Variants in AGPAT3 observed in about 807,000 individuals in gnomAD.
AGPAT3 encodes the protein 1-acylglycerol-3-phosphate O-acyltransferase 3.
Under a neutral mutation model 47.3 loss-of-function variants are expected in AGPAT3, and 5 were observed. The ratio of observed to expected loss-of-function variants is 0.11; its 90% confidence interval spans 0.06 to 0.22. AGPAT3 has a LOEUF of 0.22. Among genes scored for constraint, AGPAT3 ranks in the 10% least tolerant of loss-of-function variants. The pLI, the probability that AGPAT3 is intolerant of heterozygous loss-of-function variation, is 1.00. For synonymous variants in AGPAT3, 212 were observed against 208.3 expected (o/e 1.02, Z -0.15); for missense variants, 315 against 493.0 (o/e 0.64, Z 3.42).
intron 1 of AGPAT3, among the ~76,000 whole-genome samples, chr21:43,881,199 G>T (rs1342934716): frequency 3.9e-5 from 6 of 152,140 alleles, no homozygotes; most frequent in Non-Finnish European, 7.3e-5. Flanking sequence ...TTTGTGCCTT[G>T]TGATTACATT....
chr21:43,980,383 G>A (rs954177630), intron 8 of AGPAT3, among the ~76,000 whole-genome samples: 3 of 152,068 alleles, frequency 2.0e-5, no homozygotes, highest in Non-Finnish European at 2.9e-5. Context: ...CAGTGGCTGC[G>A]GAGTGTCTGC....
intron 8 of AGPAT3, 100 bp from the exon 9 acceptor site, chr21:43,980,889 T>C: frequency 8.4e-7 from 1 of 1,188,808 alleles, no homozygotes; most frequent in Non-Finnish European, 1.2e-6. Flanking sequence ...GCGCTTTTTT[T>C]AGGTTGAGTC....
intron 1 of AGPAT3, among the ~76,000 whole-genome samples, chr21:43,869,513 G>A (rs1478598685): frequency 6.6e-6 from 1 of 152,232 alleles, no homozygotes; most frequent in African/African-American, 2.4e-5. Flanking sequence ...GCACTTGTCA[G>A]TTTGGGAAGC....
Position 43,955,283 on chromosome 21 carries a change from C to A in AGPAT3, c.-48-4351C>A, listed in dbSNP as rs1443536565. The stretch of plus-strand genomic sequence containing the variant: ...GAGCTGGAAAGCTGACCTGCATTGT[C>A]AGGCTGGGTGGGGAAGGACTTGGAT... On this transcript the variant is annotated intron_variant, in intron 2 of 9. Coordinates refer to ENST00000291572, the MANE Select transcript of AGPAT3 (RefSeq NM_020132.5). The surrounding 1 kb of genome is among the most constrained non-coding windows in gnomAD (Gnocchi z 4.1). 8.7e-7 allele frequency: 1 copy of A among 1,151,520 alleles called. No individual in the cohort carries two copies. The highest frequency in any genetic ancestry group is 1.1e-6 in the Non-Finnish European group (1 of 909,628). 71.3% of individuals were successfully genotyped at this position (1,151,520 alleles called of 1,614,324 possible).
At chr21:43,906,201 C>T (rs1311839542) in intron 2 of AGPAT3, among the ~76,000 whole-genome samples, 1 of 152,086 alleles carries the variant, frequency 6.6e-6, no homozygotes, top group Non-Finnish European at 1.5e-5. Flanking sequence ...GATTTACAAC[C>T]AAGCTTCTAG....
rs753906838 is a variant in AGPAT3 at position 43,967,652 on chromosome 21, C to T, written c.179-294C>T. The T allele has an allele frequency of 3.6e-5, 13 of 364,972 alleles. 1 individual carries two copies. The highest frequency in any genetic ancestry group is 7.7e-4 in the Middle Eastern group (1 of 1,298). 22.6% of individuals were successfully genotyped at this position (364,972 alleles called of 1,614,324 possible). ...TCACGGGGCGTGGCTGTGCGGTACT[C>T]GGCCACACCAAGGTGCACGTGAGAA... is the stretch of plus-strand genomic sequence containing the variant. On this transcript the variant is annotated intron_variant, in intron 3 of 9. Coordinates refer to ENST00000291572, the MANE Select transcript of AGPAT3 (RefSeq NM_020132.5).
chr21:43,938,901 G>C (rs2087544622), intron 2 of AGPAT3, among the ~76,000 whole-genome samples: 1 of 152,170 alleles, frequency 6.6e-6, no homozygotes, highest in South Asian at 2.1e-4. Context: ...GGAAGGAGGG[G>C]CTCCCCCAGG....
chr21:43,916,961 A>C (rs1180955956), intron 2 of AGPAT3, among the ~76,000 whole-genome samples: 2 of 152,090 alleles, frequency 1.3e-5, no homozygotes, highest in Non-Finnish European at 2.9e-5. Flanking sequence ...TAAGATCCTC[A>C]GGCTGCTCCT....
At chr21:43,879,941 T>C (rs1003863275) in intron 1 of AGPAT3, among the ~76,000 whole-genome samples, 12 of 152,190 alleles carry the variant, frequency 7.9e-5, no homozygotes, top group Non-Finnish European at 1.6e-4. Context: ...CATCCTGGCA[T>C]GTGGGCCTCT....
At position 43,955,703 on chromosome 21, in the gene AGPAT3, C is replaced by T. The variant is rs1039921774; in HGVS notation, c.-48-3931C>T. Among the ~76,000 whole-genome samples, 2 of 152,032 alleles carry T rather than the reference C, an allele frequency of 1.3e-5. No individual in the cohort carries two copies. Among genetic ancestry groups the T allele is most frequent in the African/African-American group, 2.4e-5 (1 of 41,530 alleles). On this transcript the variant is annotated intron_variant, in intron 2 of 9. Coordinates refer to ENST00000291572, the MANE Select transcript of AGPAT3 (RefSeq NM_020132.5). The surrounding 1 kb of genome is among the most constrained non-coding windows in gnomAD (Gnocchi z 4.1). ...GGCGGATTACCTGAGGTCAGGAGAT[C>T]GAGGCCAGCCTGGCCAACATGGCGA... is the stretch of plus-strand genomic sequence containing the variant.
chr21:43,872,036 C>G (rs1292942050), intron 1 of AGPAT3, among the ~76,000 whole-genome samples: 1 of 152,272 alleles, frequency 6.6e-6, no homozygotes, highest in South Asian at 2.1e-4. Flanking sequence ...TGCTTAAGCC[C>G]TTTATCTCTC....
At position 43,982,238 on chromosome 21, in the gene AGPAT3, C is replaced by T; in HGVS notation, c.1043-66C>T. ...GGGCAGAGGAAGGAAGCCCCAGTAA[C>T]ACGTTTTACAGCAAAAAGGCAAAGT... On this transcript the variant is annotated intron_variant, in intron 9 of 9. Transcript: ENST00000291572. This position sits in a 1 kb window ranked among gnomAD's most constrained non-coding sequence, Gnocchi z 6.2. 4.8e-6 allele frequency: 6 copies of T among 1,241,962 alleles called. No individual in the cohort carries two copies. The highest frequency in any genetic ancestry group is 5.9e-6 in the Non-Finnish European group (5 of 853,054). The allele number at this position is 1,241,962 out of a possible 1,614,324, so 76.9% of individuals were successfully genotyped here.
At chr21:43,907,409 C>G (rs1169755627) in intron 2 of AGPAT3, among the ~76,000 whole-genome samples, 1 of 152,104 alleles carries the variant, frequency 6.6e-6, no homozygotes, top group Non-Finnish European at 1.5e-5. Context: ...TACACTTTAA[C>G]AAAAAGTTTC....
chr21:43,878,697 A>G (rs2085785980), intron 1 of AGPAT3, among the ~76,000 whole-genome samples: 1 of 151,516 alleles, frequency 6.6e-6, no homozygotes, highest in South Asian at 2.1e-4. Context: ...AAAGAATGAC[A>G]CTGTTGTAGA....
Position 43,969,251 on chromosome 21 carries a change from G to A in AGPAT3, c.482G>A (p.Arg161His), listed in dbSNP as rs962293850. The A allele has an allele frequency of 1.1e-5, 18 of 1,614,232 alleles. No homozygotes were observed. The highest frequency in any genetic ancestry group is 1.7e-5 in the Admixed American group (1 of 60,024). The change falls in exon 5 of 10, where the codon CGC becomes CAC. Residue 161 changes from arginine (R) to histidine (H), a missense_variant. By Grantham distance (29) the Arg-to-His change is conservative. Transcript: ENST00000291572. ...DRDTVVEGLR[R>H]LSDYPEYMWF... ...GACACCGTGGTCGAAGGGCTGAGGCGCCTGTCGGACTACCCCGAGTACATG... is the reference window on the plus strand; with the variant it reads ...GACACCGTGGTCGAAGGGCTGAGGCACCTGTCGGACTACCCCGAGTACATG...
intron 2 of AGPAT3, among the ~76,000 whole-genome samples, chr21:43,904,373 C>G (rs1241694580): frequency 6.6e-6 from 1 of 152,176 alleles, no homozygotes; most frequent in South Asian, 2.1e-4. Context: ...ACAGGGCTGC[C>G]CCGGCTCTGT....
intron 1 of AGPAT3, among the ~76,000 whole-genome samples, chr21:43,874,396 A>G (rs561183298): frequency 2.6e-5 from 4 of 152,134 alleles, no homozygotes; most frequent in Non-Finnish European, 5.9e-5. Context: ...GTTTATTTTG[A>G]TATGTAATAT....
rs369451089 is a variant in AGPAT3 at position 43,969,314 on chromosome 21, C to T, written c.510+35C>T. On this transcript the variant is annotated intron_variant, in intron 5 of 9. Transcript: ENST00000291572. ...CGGAGCAGCCCGATACCCTGCATGC[C>T]TGGAGGAGGCCACGCCAACTCCTGA... 73 of 1,609,532 alleles carry T rather than the reference C, an allele frequency of 4.5e-5. No individual in the cohort carries two copies. In the African/African-American group the frequency reaches 7.6e-4, roughly 17 times the overall value.
At chr21:43,865,729 C>T (rs1460028683) in intron 1 of AGPAT3, among the ~76,000 whole-genome samples, 1 of 151,524 alleles carries the variant, frequency 6.6e-6, no homozygotes, top group Non-Finnish European at 1.5e-5. Context: ...TGGGTTCCCG[C>T]GGGGACGTCC....
Sources: allele counts gnomAD v4.1 joint callset (sites outside exome capture counted in the v4.1 genomes callset), GRCh38; gene constraint gnomAD v4.1.1; non-coding constraint Gnocchi (gnomAD v3.1); transcripts MANE v1.5; gene names NCBI Gene and HGNC (gene_info 2026-07-23, HGNC 2026-07-21).